The following DTYMK variants were observed in gnomAD, a reference collection of about 807,000 sequenced individuals.
DTYMK encodes deoxythymidylate kinase.
A neutral mutation model predicts 20.3 loss-of-function variants in DTYMK; 20 were observed. That is an observed-to-expected ratio of 0.99 (90% CI 0.69 to 1.43). The LOEUF (loss-of-function observed/expected upper bound fraction) is 1.43. Ranked by LOEUF, DTYMK falls within the 40% of genes most tolerant of loss-of-function variation. DTYMK has a pLI of 0.00. For synonymous variants in DTYMK, 148 were observed against 124.4 expected (o/e 1.19, Z -1.27); for missense variants, 320 against 291.1 (o/e 1.10, Z -0.72).
chr2:241,680,480 T>C (rs1393100046), intron 2 of DTYMK, among the ~76,000 whole-genome samples, 161 bp from the exon 3 acceptor site: 2 of 152,086 alleles, frequency 1.3e-5, no homozygotes, highest in Non-Finnish European at 2.9e-5. Flanking sequence ...ATCGAGACCA[T>C]CCTGGCTAAC....
In DTYMK at chr2:241,680,390, C is replaced by T; in HGVS notation, c.240-71G>A. 18 of 1,559,992 alleles carry T rather than the reference C, an allele frequency of 1.2e-5. 1 individual carries two copies. The South Asian group carries it at 1.8e-4, about 16-fold the overall frequency. ...TTGAACTGTCAAGCTTAAATTATCC[C>T]AACAGGCTGTGCGCAGTGGCTCACC... On this transcript the variant is annotated intron_variant, in intron 2 of 4. Transcript: ENST00000305784.
chr2:241,686,692 C>A lies in DTYMK; in HGVS notation c.92G>T (p.Cys31Phe). ...TQSRKLVEAL[C>F]AAGHRAELLR... is the part of the protein sequence containing the mutation. ...CAGTTCGGCGCGGTGGCCCGCGGCG[C>A]ACAGCGCTTCCACCAGCTTGCGGCT... Residue 31 changes from cysteine (C) to phenylalanine (F), a missense_variant, in exon 1 of 5, where the codon TGC becomes TTC. Transcript: ENST00000305784. 6.5e-7 allele frequency: 1 copy of A among 1,537,528 alleles called. No homozygotes were observed. Among genetic ancestry groups the A allele is most frequent in the Non-Finnish European group, 8.7e-7 (1 of 1,153,648 alleles).
chr2:241,682,089 A>T, intron 2 of DTYMK: 2 of 353,498 alleles, frequency 5.7e-6, no homozygotes, highest in South Asian at 4.1e-5. Flanking sequence ...CTCTAATCAC[A>T]GCACTTTGGG....
rs780049385 is a variant in DTYMK at position 241,686,787 on chromosome 2, T to A, written c.-4A>T. The A allele has an allele frequency of 1.3e-5, 19 of 1,453,458 alleles. No homozygotes were observed. The highest frequency in any genetic ancestry group is 1.6e-5 in the Non-Finnish European group (18 of 1,116,694). 90.0% of individuals were successfully genotyped at this position (1,453,458 alleles called of 1,614,324 possible). A position where few individuals can be genotyped will look rare whatever the true frequency, so the allele number is the denominator to read the frequency against. ...GAGCCCCGCGCCGGGCCGCCATGACTGTCCACCGCCCGCCGCTGGCGTCTC... is the reference window on the plus strand; with the variant it reads ...GAGCCCCGCGCCGGGCCGCCATGACAGTCCACCGCCCGCCGCTGGCGTCTC... On this transcript the variant is annotated 5_prime_UTR_variant, in exon 1 of 5. Coordinates refer to ENST00000305784, the MANE Select transcript of DTYMK (RefSeq NM_012145.4).
intron 3 of DTYMK, among the ~76,000 whole-genome samples, 188 bp from the exon 4 acceptor site, chr2:241,678,837 C>T (rs2069177762): frequency 6.6e-6 from 1 of 152,156 alleles, no homozygotes; most frequent in East Asian, 1.9e-4. Context: ...TTTGTTTTTC[C>T]TTTGTAAACA....
At chr2:241,679,137 G>A (rs2069183611) in intron 3 of DTYMK, among the ~76,000 whole-genome samples, 2 of 152,188 alleles carry the variant, frequency 1.3e-5, no homozygotes, top group African/African-American at 2.4e-5. Context: ...AGCCTGTTAT[G>A]TGCCAGCCTA....
intron 2 of DTYMK, among the ~76,000 whole-genome samples, chr2:241,681,199 G>A (rs922215755): frequency 2.0e-5 from 3 of 152,184 alleles, no homozygotes; most frequent in South Asian, 2.1e-4. Context: ...CGATTCATTC[G>A]ACTCAGCCAG....
intron 4 of DTYMK, 131 bp downstream of exon 4, chr2:241,678,321 C>T: frequency 5.4e-6 from 7 of 1,299,894 alleles, no homozygotes; most frequent in Non-Finnish European, 5.3e-6. Context: ...AACGACTACT[C>T]CCGGGGCTCC....
intron 2 of DTYMK, among the ~76,000 whole-genome samples, 179 bp from the exon 3 acceptor site, chr2:241,680,498 A>G (rs2069232555): frequency 1.3e-5 from 2 of 152,080 alleles, no homozygotes; most frequent in Non-Finnish European, 1.5e-5. Context: ...AACATGGTGA[A>G]ACCCTGTCTC....
chr2:241,683,349 TCAC>T (rs1436721991), intron 2 of DTYMK, among the ~76,000 whole-genome samples: 4 of 152,280 alleles, frequency 2.6e-5, no homozygotes, highest in Non-Finnish European at 5.9e-5. Flanking sequence ...GGAAGACAGT[TCAC>T]CACAAGCTTG....
rs1268162028 is a variant in DTYMK, at chr2:241,684,506, G to A, written c.239+1263C>T. ...CAGGGAACTGGCTACACGTACCGTG[G>A]TTCTAGAGACAATGCGACGACAATT... On this transcript the variant is annotated intron_variant, in intron 2 of 4. Transcript: ENST00000305784. Among the ~76,000 whole-genome samples, 4 of 152,336 alleles carry A rather than the reference G, an allele frequency of 2.6e-5. No homozygotes were observed. In the South Asian group the frequency reaches 6.2e-4, roughly 24 times the overall value.
In DTYMK at chr2:241,679,205, A is replaced by G. The variant is rs530827070; in HGVS notation, c.331-556T>C. 2.0e-5 allele frequency among the ~76,000 whole-genome samples: 3 copies of G among 151,912 alleles called. No individual in the cohort carries two copies. The South Asian group carries it at 6.3e-4, about 32-fold the overall frequency. ...TGCCAGCACCCTCTCTCCCTCCCTTACTCATCCCATCTCCCTCCAAATGCT... is the reference window on the plus strand; with the variant it reads ...TGCCAGCACCCTCTCTCCCTCCCTTGCTCATCCCATCTCCCTCCAAATGCT... On this transcript the variant is annotated intron_variant, in intron 3 of 4. Transcript: ENST00000305784.
chr2:241,685,841 T>C lies in DTYMK; in HGVS notation c.167A>G (p.Tyr56Cys), dbSNP rs1039432925. The change falls in exon 2 of 5, where the codon TAC (tyrosine) becomes TGC (cysteine). Residue 56 changes from tyrosine to cysteine, a missense_variant. Tyr to Cys is a radical substitution (Grantham distance 194, BLOSUM62 -2). Transcript: ENST00000305784. ...CTCCACGTCACTTTTCTTTTGCAAG[T>C]AGGAACTCAGAAGTTTGCCGATTTC... ...STEIGKLLSS[Y>C]LQKKSDVEDH... The C allele has an allele frequency of 5.6e-6, 9 of 1,614,044 alleles. No homozygotes were observed. Among genetic ancestry groups the C allele is most frequent in the African/African-American group, 5.3e-5 (4 of 74,922 alleles).
intron 2 of DTYMK, chr2:241,684,630 C>G (rs910223165): frequency 4.9e-6 from 2 of 411,728 alleles, no homozygotes; most frequent in Non-Finnish European, 9.8e-6. Context: ...ATGGTATGAC[C>G]TCATTTATGT....
In DTYMK at chr2:241,686,745, G is replaced by C. The variant is rs1230286797; in HGVS notation, c.39C>G (p.Gly13=). 1 of 1,542,306 alleles carries C rather than the reference G, an allele frequency of 6.5e-7. No individual in the cohort carries two copies. Among genetic ancestry groups the C allele is most frequent in the Admixed American group, 1.9e-5 (1 of 51,450 alleles). The part of the protein sequence containing the change: ...ARRGALIVLE[G]VDRAGKSTQS... Reference sequence around the variant, plus strand: ...GCGTGCTCTTCCCGGCGCGGTCCACGCCCTCCAGCACTATGAGAGCCCCGC... The same window carrying C: ...GCGTGCTCTTCCCGGCGCGGTCCACCCCCTCCAGCACTATGAGAGCCCCGC... The change falls in exon 1 of 5, where the codon GGC becomes GGG. Residue 13 remains glycine, a synonymous_variant. Transcript: ENST00000305784.
Position 241,680,243 on chromosome 2 carries a change from T to C in DTYMK, c.316A>G (p.Thr106Ala). 1 of 1,614,134 alleles carries C rather than the reference T, an allele frequency of 6.2e-7. No homozygotes were observed. Among genetic ancestry groups the C allele is most frequent in the Non-Finnish European group, 8.5e-7 (1 of 1,180,024 alleles). ...GTGGCACTCACCTCCTTGGCACCGG[T>C]GAAGGCCACACCAGAAAATGCGTAT... ...DRYAFSGVAFTGAKENFSLDW... is the reference protein window; with the variant it reads ...DRYAFSGVAFAGAKENFSLDW... The change falls in exon 3 of 5, where the codon ACC (threonine) becomes GCC (alanine). Residue 106 changes from threonine to alanine, a missense_variant. Transcript: ENST00000305784.
chr2:241,681,540 A>G (rs759802242), intron 2 of DTYMK, among the ~76,000 whole-genome samples: 10 of 149,962 alleles, frequency 6.7e-5, no homozygotes, highest in Middle Eastern at 3.5e-3. Flanking sequence ...AAAGTGGGGG[A>G]AAAAAAAGAC....
intron 2 of DTYMK, chr2:241,682,114 G>C: frequency 2.7e-6 from 1 of 372,688 alleles, no homozygotes; most frequent in Admixed American, 3.2e-5. Flanking sequence ...CAAGGCAGGA[G>C]GACTGCTTGG....
At chr2:241,677,522 G>A (rs1230083943) in intron 4 of DTYMK, among the ~76,000 whole-genome samples, 26 of 152,286 alleles carry the variant, frequency 1.7e-4, no homozygotes, top group Admixed American at 1.6e-3. Context: ...GAAGCTCCGC[G>A]GGCCGTGGCC....
Sources: allele counts gnomAD v4.1 joint callset (sites outside exome capture counted in the v4.1 genomes callset), GRCh38; gene constraint gnomAD v4.1.1; transcripts MANE v1.5; gene names NCBI Gene and HGNC (gene_info 2026-07-23, HGNC 2026-07-21).